Variants in ALOX5AP observed in about 807,000 individuals in gnomAD.
The protein encoded by ALOX5AP is arachidonate 5-lipoxygenase-activating protein.
Under a neutral mutation model 18.5 loss-of-function variants are expected in ALOX5AP, and 9 were observed. The observed-to-expected ratio is 0.49, with a 90% CI of 0.29 to 0.85. ALOX5AP has a LOEUF of 0.85. Among genes scored for constraint, ALOX5AP ranks in the 40% least tolerant of loss-of-function variants. The probability of loss-of-function intolerance (pLI) is 0.08; values close to 1 mark genes in which losing one functional copy is unlikely to be tolerated. For synonymous variants in ALOX5AP, 81 were observed against 78.6 expected (o/e 1.03, Z -0.16); for missense variants, 172 against 202.5 (o/e 0.85, Z 0.91).
At chr13:30,732,363 G>A (rs1396299573), upstream of ALOX5AP, among the ~76,000 whole-genome samples, 1 of 152,216 alleles carries the variant, frequency 6.6e-6, no homozygotes, top group Admixed American at 6.5e-5. Flanking sequence ...GTTTTCATGT[G>A]CCGGCAGATT....
intron 1 of ALOX5AP, among the ~76,000 whole-genome samples, chr13:30,714,388 G>A (rs1951533019): frequency 6.6e-6 from 1 of 152,022 alleles, no homozygotes; most frequent in Non-Finnish European, 1.5e-5. Context: ...GAGGGTGAAG[G>A]ATCAGGAGAG....
intron 1 of ALOX5AP, among the ~76,000 whole-genome samples, chr13:30,715,472 C>T (rs1029793869): frequency 1.3e-5 from 2 of 152,122 alleles, no homozygotes; most frequent in Non-Finnish European, 2.9e-5. Flanking sequence ...ATCCGCATGC[C>T]CTTTCTTGCT....
At chr13:30,735,255 T>C (rs1014067401), upstream of ALOX5AP, among the ~76,000 whole-genome samples, 29 of 152,082 alleles carry the variant, frequency 1.9e-4, no homozygotes, top group African/African-American at 7.0e-4. Flanking sequence ...CTCTGGTGCC[T>C]GTGCTGGGCT....
intron 1 of ALOX5AP, among the ~76,000 whole-genome samples, chr13:30,716,635 T>C (rs1951552733): frequency 6.6e-6 from 1 of 152,218 alleles, no homozygotes; most frequent in South Asian, 2.1e-4. Flanking sequence ...CTCCCTTGTA[T>C]AGTCAGTGAT....
intron 3 of ALOX5AP, among the ~76,000 whole-genome samples, chr13:30,753,404 T>A (rs1323637852): frequency 6.6e-6 from 1 of 152,230 alleles, no homozygotes; most frequent in Non-Finnish European, 1.5e-5. Context: ...TCTTAGATGA[T>A]GCTTGATCTA....
chr13:30,716,899 T>C (rs933492824), intron 1 of ALOX5AP, among the ~76,000 whole-genome samples: 1 of 152,228 alleles, frequency 6.6e-6, no homozygotes. Flanking sequence ...GTGCCTGACA[T>C]GGAGCCCCTA....
intron 1 of ALOX5AP, among the ~76,000 whole-genome samples, chr13:30,726,999 G>T (rs1951644285): frequency 6.6e-6 from 1 of 151,908 alleles, no homozygotes; most frequent in Non-Finnish European, 1.5e-5. Context: ...AGAGAAGAGG[G>T]TTAGTGCATT....
intron 4 of ALOX5AP, among the ~76,000 whole-genome samples, chr13:30,763,089 C>T (rs1951956234): frequency 6.6e-6 from 1 of 152,184 alleles, no homozygotes; most frequent in Non-Finnish European, 1.5e-5. Flanking sequence ...GAGTGGATTG[C>T]CTGAGCTCAG....
At chr13:30,718,565 C>A (rs369313459) in intron 1 of ALOX5AP, among the ~76,000 whole-genome samples, 12 of 152,072 alleles carry the variant, frequency 7.9e-5, no homozygotes, top group Non-Finnish European at 1.6e-4. Context: ...TGCAAACTCT[C>A]GTGTGGCTTC....
chr13:30,713,600 C>G, exon 1 of ALOX5AP: 1 of 687,626 alleles, frequency 1.5e-6, no homozygotes, highest in Non-Finnish European at 2.5e-6. Flanking sequence ...CACCTTTGCC[C>G]CCTCACACCT....
chr13:30,749,630 C>A (rs1226085317), intron 2 of ALOX5AP, among the ~76,000 whole-genome samples: 1 of 152,184 alleles, frequency 6.6e-6, no homozygotes, highest in Non-Finnish European at 1.5e-5. Context: ...TTTGTAGGGG[C>A]CTCCTGCCCT....
At chr13:30,751,996 C>G (rs1951855555) in intron 2 of ALOX5AP, 56 bp from the exon 3 acceptor site, 1 of 1,506,884 alleles carries the variant, frequency 6.6e-7, no homozygotes, top group Non-Finnish European at 9.2e-7. Flanking sequence ...ATTTTCAGAC[C>G]ACATTGCACT....
At chr13:30,716,612 G>T (rs1951552503) in intron 1 of ALOX5AP, among the ~76,000 whole-genome samples, 1 of 152,178 alleles carries the variant, frequency 6.6e-6, no homozygotes, top group Non-Finnish European at 1.5e-5. Flanking sequence ...CAGCCCCCCT[G>T]CAATGAGCCA....
intron 1 of ALOX5AP, among the ~76,000 whole-genome samples, chr13:30,720,018 C>T (rs1162133328): frequency 6.6e-6 from 1 of 152,150 alleles, no homozygotes; most frequent in Non-Finnish European, 1.5e-5. Flanking sequence ...CATGCCACCA[C>T]GCCCAGATAA....
At chr13:30,720,730 A>G (rs551397004) in intron 1 of ALOX5AP, among the ~76,000 whole-genome samples, 1 of 152,344 alleles carries the variant, frequency 6.6e-6, no homozygotes, top group South Asian at 2.1e-4. Context: ...TTGCTGGGGG[A>G]AGGAACTTAA....
In ALOX5AP at chr13:30,735,572, C is replaced by T. The variant is rs767566357; in HGVS notation, c.-34C>T. 2 of 1,613,478 alleles carry T rather than the reference C, an allele frequency of 1.2e-6. No homozygotes were observed. The highest frequency in any genetic ancestry group is 3.3e-5 in the Admixed American group (2 of 59,942). ...ACAGGGCAGGTTGTGCAGCTGGAGG[C>T]AGAGCAGTCCTCTCTGGGGAGCCTG... is the stretch of plus-strand genomic sequence containing the variant. On this transcript the variant is annotated 5_prime_UTR_variant, in exon 1 of 5. Coordinates refer to ENST00000380490, the MANE Select transcript of ALOX5AP (RefSeq NM_001629.4).
At chr13:30,746,703 G>A (rs1566086154) in intron 2 of ALOX5AP, among the ~76,000 whole-genome samples, 1 of 152,248 alleles carries the variant, frequency 6.6e-6, no homozygotes, top group East Asian at 1.9e-4. Flanking sequence ...CCATGAGGCT[G>A]CAGGAAGAAA....
chr13:30,730,014 AT>A (rs1412677538), intron 1 of ALOX5AP, among the ~76,000 whole-genome samples: 4 of 152,346 alleles, frequency 2.6e-5, no homozygotes, highest in African/African-American at 9.6e-5. Flanking sequence ...AGTTTTGCGG[AT>A]ACTACACTGG....
chr13:30,757,612 A>T (rs1951907197), intron 4 of ALOX5AP, among the ~76,000 whole-genome samples: 1 of 152,136 alleles, frequency 6.6e-6, no homozygotes, highest in Non-Finnish European at 1.5e-5. Context: ...CTCCCTATGC[A>T]GCCCTATCTT....
Sources: allele counts gnomAD v4.1 joint callset (sites outside exome capture counted in the v4.1 genomes callset), GRCh38; gene constraint gnomAD v4.1.1; transcripts MANE v1.5; gene names NCBI Gene and HGNC (gene_info 2026-07-23, HGNC 2026-07-21).